BRCA1: variants seen among roughly 807,000 people sequenced by gnomAD.
BRCA1 encodes breast cancer type 1 susceptibility protein.
BRCA1 carries 140 observed loss-of-function variants against 173.7 expected under a neutral mutation model. The observed-to-expected ratio is 0.81, with a 90% CI of 0.70 to 0.93. The LOEUF (loss-of-function observed/expected upper bound fraction) is 0.93, where lower values mean the gene tolerates loss of function less well. Among genes scored for constraint, BRCA1 ranks in the 40% least tolerant of loss-of-function variants. The pLI, the probability that BRCA1 is intolerant of heterozygous loss-of-function variation, is 0.00. For synonymous variants in BRCA1, 662 were observed against 756.0 expected (o/e 0.88, Z 2.04); for missense variants, 1,983 against 2,172.5 (o/e 0.91, Z 1.73).
intron 7 of BRCA1, among the ~76,000 whole-genome samples, chr17:43,099,542 A>G (rs2054279745): frequency 6.6e-6 from 1 of 152,084 alleles, no homozygotes; most frequent in South Asian, 2.1e-4. Context: ...AAGTGCTGGG[A>G]TTACAGGTGT....
chr17:43,068,760 C>T (rs1188674610), intron 15 of BRCA1, among the ~76,000 whole-genome samples: 1 of 152,098 alleles, frequency 6.6e-6, no homozygotes, highest in African/African-American at 2.4e-5. Flanking sequence ...AGACTCAACC[C>T]TCTGATAGTT....
intron 1 of BRCA1, among the ~76,000 whole-genome samples, chr17:43,136,022 A>G (rs988536331): frequency 1.3e-5 from 2 of 152,196 alleles, no homozygotes; most frequent in African/African-American, 4.8e-5. Context: ...CGCCGGGCGC[A>G]GGGCTCCCGC....
At chr17:43,153,122 C>T (rs974234829) in intron 1 of BRCA1, among the ~76,000 whole-genome samples, 1 of 152,222 alleles carries the variant, frequency 6.6e-6, no homozygotes, top group African/African-American at 2.4e-5. Flanking sequence ...ATTTAGGAGA[C>T]GAACTGCTGG....
At chr17:43,131,054 T>G (rs1381495133) in intron 1 of BRCA1, among the ~76,000 whole-genome samples, 1 of 152,238 alleles carries the variant, frequency 6.6e-6, no homozygotes, top group Non-Finnish European at 1.5e-5. Flanking sequence ...ATATTAACCC[T>G]TTGCTGTGGG....
chr17:43,054,427 T>G (rs543828720), intron 19 of BRCA1, among the ~76,000 whole-genome samples: 53 of 152,190 alleles, frequency 3.5e-4, no homozygotes, highest in Non-Finnish European at 6.3e-4. Context: ...GGACAGAAAG[T>G]GCTCAGTAGA....
Position 43,121,625 on chromosome 17 carries a change from G to A in BRCA1, c.80+2392C>T, listed in dbSNP as rs866254254. Reference sequence around the variant, plus strand: ...TTGAACCCGGGAGGTGGAGGTTGTAGTGAGCCGAGATTGTGCCACTGCACT... The same window carrying A: ...TTGAACCCGGGAGGTGGAGGTTGTAATGAGCCGAGATTGTGCCACTGCACT... On this transcript the variant is annotated intron_variant, in intron 2 of 22. Transcript: ENST00000357654. Among the ~76,000 whole-genome samples the A allele has an allele frequency of 2.9e-5, 4 of 136,286 alleles. No homozygotes were observed. The South Asian group carries it at 1.0e-3, about 35-fold the overall frequency. The allele number at this position is 136,286 out of a possible 152,430, so 89.4% of individuals were successfully genotyped here.
At chr17:43,088,633 C>G (rs1439702585) in intron 11 of BRCA1, among the ~76,000 whole-genome samples, 1 of 152,184 alleles carries the variant, frequency 6.6e-6, no homozygotes, top group Non-Finnish European at 1.5e-5. Flanking sequence ...TTCATCTAAT[C>G]TGACTTCAGA....
At chr17:43,128,903 C>T (rs924016008), upstream of BRCA1, among the ~76,000 whole-genome samples, 1 of 151,922 alleles carries the variant, frequency 6.6e-6, no homozygotes, top group African/African-American at 2.4e-5. Context: ...AGCGATCCTC[C>T]TGCCTTGGCC....
chr17:43,110,084 C>T lies in BRCA1; in HGVS notation c.135-3551G>A, dbSNP rs142024941. Among the ~76,000 whole-genome samples, 1,581 of 151,892 alleles carry T rather than the reference C, an allele frequency of 0.01. 28 individuals are homozygous for T. Among genetic ancestry groups the T allele is most frequent in the African/African-American group, 0.036 (1,505 of 41,450 alleles). On this transcript the variant is annotated intron_variant, in intron 3 of 22. Coordinates refer to ENST00000357654, the MANE Select transcript of BRCA1 (RefSeq NM_007294.4). Reference sequence around the variant, plus strand: ...TAACTTTTTGTAATTTTAGTAGAGGCGGGGTTTCACCATGTTAGCCAGGAT... The same window carrying T: ...TAACTTTTTGTAATTTTAGTAGAGGTGGGGTTTCACCATGTTAGCCAGGAT...
intron 12 of BRCA1, chr17:43,079,257 T>A (rs2154103661): frequency 9.0e-7 from 1 of 1,114,294 alleles, no homozygotes. Flanking sequence ...TAAAAAGTCA[T>A]TCCTCCTTTT....
chr17:43,100,800 C>T (rs1309246658), intron 6 of BRCA1, among the ~76,000 whole-genome samples: 2 of 143,194 alleles, frequency 1.4e-5, no homozygotes, highest in Non-Finnish European at 3.0e-5. Context: ...GGCGTGATCT[C>T]GGCACACTGC....
chr17:43,085,321 C>T (rs557273028), intron 11 of BRCA1, among the ~76,000 whole-genome samples: 8 of 151,590 alleles, frequency 5.3e-5, no homozygotes, highest in East Asian at 1.9e-4. Context: ...GATCGTGCCA[C>T]GGCACTCCAG....
intron 6 of BRCA1, among the ~76,000 whole-genome samples, chr17:43,101,744 T>G (rs1273573426): frequency 6.6e-6 from 1 of 151,584 alleles, no homozygotes; most frequent in African/African-American, 2.4e-5. Context: ...TCAAATTATC[T>G]GCCTGCCTCA....
chr17:43,066,779 T>C (rs2052092137), intron 16 of BRCA1, among the ~76,000 whole-genome samples: 1 of 150,572 alleles, frequency 6.6e-6, no homozygotes, highest in African/African-American at 2.5e-5. Context: ...TAGGAGTTAA[T>C]AGTTGACTAT....
In BRCA1 at chr17:43,083,178, C is replaced by CT. The variant is rs914974332; in HGVS notation, c.4186-604dup. On this transcript the variant is annotated intron_variant, in intron 11 of 22. Transcript: ENST00000357654. ...TTTAGTTTCTTTTCTTTCTTTCTTT[C>CT]TTTTTTTTTTTAAGTCTCCCTCTGT... Among the ~76,000 whole-genome samples, 775 of 145,952 alleles carry CT rather than the reference C, an allele frequency of 5.3e-3. 7 individuals are homozygous for CT. Among genetic ancestry groups the CT allele is most frequent in the African/African-American group, 0.015 (605 of 39,962 alleles).
At chr17:43,053,969 TAAAA>T (rs879828773) in intron 19 of BRCA1, among the ~76,000 whole-genome samples, 1 of 136,656 alleles carries the variant, frequency 7.3e-6, no homozygotes, top group African/African-American at 2.7e-5. Context: ...AGCTTCGTCT[TAAAA>T]AAAAAAAAAA....
chr17:43,080,789 G>A (rs2052970779), intron 12 of BRCA1, among the ~76,000 whole-genome samples: 1 of 151,964 alleles, frequency 6.6e-6, no homozygotes, highest in African/African-American at 2.4e-5. Context: ...TTGGGCAACA[G>A]AGCAAGACCC....
intron 19 of BRCA1, among the ~76,000 whole-genome samples, chr17:43,053,620 C>T (rs8176292): frequency 2.6e-5 from 4 of 151,432 alleles, no homozygotes; most frequent in South Asian, 2.1e-4. Context: ...TGAGCCGAGA[C>T]GGCGCCACTG....
chr17:43,127,107 C>G (rs565423930), upstream of BRCA1, among the ~76,000 whole-genome samples: 1 of 152,238 alleles, frequency 6.6e-6, no homozygotes, highest in African/African-American at 2.4e-5. Context: ...CCCTCCCAAC[C>G]CCTGTGAGCT....
Sources: allele counts gnomAD v4.1 joint callset (sites outside exome capture counted in the v4.1 genomes callset), GRCh38; gene constraint gnomAD v4.1.1; transcripts MANE v1.5; gene names NCBI Gene and HGNC (gene_info 2026-07-23, HGNC 2026-07-21).